The following FSTL5 variants were observed in gnomAD, a reference collection of about 807,000 sequenced individuals.
FSTL5 encodes the protein follistatin-related protein 5.
A neutral mutation model predicts 89.1 loss-of-function variants in FSTL5; 62 were observed. The ratio of observed to expected loss-of-function variants is 0.70; its 90% confidence interval spans 0.57 to 0.86. The LOEUF (loss-of-function observed/expected upper bound fraction) is 0.86, where lower values mean the gene tolerates loss of function less well. FSTL5 is among the 40% of genes least tolerant of loss of function. The pLI, the probability that FSTL5 is intolerant of heterozygous loss-of-function variation, is 0.00. For missense variants in FSTL5, 1,057 were observed against 1,001.6 expected, an observed-to-expected ratio of 1.06 and a Z score of -0.75; for synonymous variants, 383 against 346.2, an observed-to-expected ratio of 1.11 and a Z score of -1.18.
At chr4:161,926,990 T>C (rs916860898) in intron 3 of FSTL5, among the ~76,000 whole-genome samples, 1 of 151,776 alleles carries the variant, frequency 6.6e-6, no homozygotes, top group Non-Finnish European at 1.5e-5. Context: ...TTTATGATAT[T>C]TAAGGTCTTC....
At chr4:161,566,127 T>TAC (rs1560956594) in intron 8 of FSTL5, among the ~76,000 whole-genome samples, 3 of 76,874 alleles carry the variant, frequency 3.9e-5, no homozygotes, top group African/African-American at 1.4e-4. Context: ...TATATATATA[T>TAC]ATATATATAC....
At chr4:162,118,558 T>G (rs539704708) in intron 1 of FSTL5, among the ~76,000 whole-genome samples, 29 of 152,260 alleles carry the variant, frequency 1.9e-4, no homozygotes, top group African/African-American at 6.5e-4. Flanking sequence ...GAGTCCAGTT[T>G]TATAAGAGCA....
At chr4:161,395,675 G>T (rs551240550) in intron 15 of FSTL5, among the ~76,000 whole-genome samples, 1 of 152,182 alleles carries the variant, frequency 6.6e-6, no homozygotes, top group East Asian at 1.9e-4. Context: ...AACTGTGGGA[G>T]ATTTTTTTCT....
At chr4:161,870,274 T>A (rs1271152705) in intron 4 of FSTL5, among the ~76,000 whole-genome samples, 1 of 152,114 alleles carries the variant, frequency 6.6e-6, no homozygotes, top group African/African-American at 2.4e-5. Flanking sequence ...GTCTGTCTTT[T>A]CACAAGAGTA....
In FSTL5 at chr4:161,500,097, T is replaced by C; in HGVS notation, c.1377A>G (p.Glu459=). Residue 459 remains glutamate, a synonymous_variant, in exon 12 of 16, where the codon GAA becomes GAG. Coordinates refer to ENST00000306100, the MANE Select transcript of FSTL5 (RefSeq NM_020116.5). Reference sequence around the variant, plus strand: ...TGGGTTGTATCACTTTGATTCCATCTTCATAAAAAACATAGAACATGTTCC... The same window carrying C: ...TGGGTTGTATCACTTTGATTCCATCCTCATAAAAAACATAGAACATGTTCC... ...GIGNMFYVFY[E]DGIKVIQPIE... is the part of the protein sequence containing the mutation. 6.2e-7 allele frequency: 1 copy of C among 1,606,812 alleles called. No homozygotes were observed. The highest frequency in any genetic ancestry group is 8.5e-7 in the Non-Finnish European group (1 of 1,175,370).
intron 8 of FSTL5, among the ~76,000 whole-genome samples, chr4:161,553,668 A>C (rs1732290790): frequency 1.3e-5 from 2 of 151,604 alleles, no homozygotes; most frequent in South Asian, 4.1e-4. Flanking sequence ...TGTCTTTATA[A>C]AAGTGTCTAC....
At chr4:161,935,495 C>T (rs145968998) in intron 3 of FSTL5, among the ~76,000 whole-genome samples, 214 of 152,178 alleles carry the variant, frequency 1.4e-3, no homozygotes, top group African/African-American at 5.0e-3. Context: ...ATTGAATGCA[C>T]TTCCATCATA....
At chr4:161,954,404 G>A (rs1395815695) in intron 3 of FSTL5, among the ~76,000 whole-genome samples, 1 of 151,456 alleles carries the variant, frequency 6.6e-6, no homozygotes, top group Non-Finnish European at 1.5e-5. Flanking sequence ...CCAGTATTTT[G>A]CTATATATAA....
At chr4:161,437,292 C>T (rs538570089) in intron 15 of FSTL5, among the ~76,000 whole-genome samples, 2 of 152,048 alleles carry the variant, frequency 1.3e-5, no homozygotes, top group African/African-American at 4.8e-5. Flanking sequence ...ACGGGCAGGG[C>T]GCAGTGGCTC....
intron 3 of FSTL5, among the ~76,000 whole-genome samples, chr4:161,922,650 T>C (rs4586881): frequency 0.52 from 78,081 of 151,474 alleles, 20,432 homozygotes; most frequent in Middle Eastern, 0.65. Context: ...TTTAGGGCAC[T>C]GACTTACTGA....
At chr4:161,779,304 T>G (rs943620721) in intron 4 of FSTL5, among the ~76,000 whole-genome samples, 7 of 152,194 alleles carry the variant, frequency 4.6e-5, no homozygotes, top group African/African-American at 1.4e-4. Flanking sequence ...GGCATTCATA[T>G]TCTATAAATA....
chr4:161,824,502 T>A (rs187162882), intron 4 of FSTL5, among the ~76,000 whole-genome samples: 7 of 152,272 alleles, frequency 4.6e-5, no homozygotes, highest in African/African-American at 1.7e-4. Flanking sequence ...TGGGTTCTTT[T>A]TTGGTTTCAT....
At chr4:161,669,424 G>A (rs1452459478) in intron 6 of FSTL5, among the ~76,000 whole-genome samples, 11 of 152,104 alleles carry the variant, frequency 7.2e-5, no homozygotes, top group African/African-American at 1.2e-4. Context: ...AAGGCAGTGT[G>A]GCACTGGTGA....
chr4:161,993,989 C>T (rs905941209), intron 3 of FSTL5, among the ~76,000 whole-genome samples: 1 of 152,058 alleles, frequency 6.6e-6, no homozygotes, highest in Non-Finnish European at 1.5e-5. Context: ...ATTTTTTCAT[C>T]ACCCAGGTAT....
intron 11 of FSTL5, among the ~76,000 whole-genome samples, 195 bp from the exon 12 acceptor site, chr4:161,500,329 C>G (rs1730252863): frequency 6.6e-6 from 1 of 152,072 alleles, no homozygotes; most frequent in African/African-American, 2.4e-5. Flanking sequence ...ACACTTCATT[C>G]TTCCTGTGCT....
At chr4:161,752,000 T>C (rs746873838) in intron 6 of FSTL5, among the ~76,000 whole-genome samples, 14 of 152,204 alleles carry the variant, frequency 9.2e-5, no homozygotes, top group Non-Finnish European at 1.8e-4. Flanking sequence ...CTTAGAATTA[T>C]CAATGCCTTT....
At chr4:162,085,519 G>A (rs1579015030) in intron 2 of FSTL5, among the ~76,000 whole-genome samples, 1 of 95,700 alleles carries the variant, frequency 1.0e-5, no homozygotes, top group African/African-American at 3.8e-5. Context: ...AAACATATGT[G>A]TGTATACATG....
rs556002934 is a variant in FSTL5, at chr4:162,132,251, T to C, written c.-16-20839A>G. On this transcript the variant is annotated intron_variant, in intron 1 of 15. Coordinates refer to ENST00000306100, the MANE Select transcript of FSTL5 (RefSeq NM_020116.5). ...TATATAAGTACCCTCATTTATAGGG[T>C]TGGGGCCAGAAAACAATTGTAGGCA... is the stretch of plus-strand genomic sequence containing the variant. 2.6e-5 allele frequency among the ~76,000 whole-genome samples: 4 copies of C among 152,258 alleles called. No homozygotes were observed. The East Asian group carries it at 7.7e-4, about 29-fold the overall frequency.
intron 3 of FSTL5, among the ~76,000 whole-genome samples, chr4:161,944,666 T>C (rs1486130957): frequency 6.6e-6 from 1 of 151,830 alleles, no homozygotes; most frequent in Non-Finnish European, 1.5e-5. Flanking sequence ...CTCAATATCT[T>C]TATCACAGTA....
Sources: allele counts gnomAD v4.1 joint callset (sites outside exome capture counted in the v4.1 genomes callset), GRCh38; gene constraint gnomAD v4.1.1; transcripts MANE v1.5; gene names NCBI Gene and HGNC (gene_info 2026-07-23, HGNC 2026-07-21).